The following TPTE variants were observed in gnomAD, a reference collection of about 807,000 sequenced individuals.
TPTE encodes the protein transmembrane phosphatase with tensin homology.
In TPTE, 59 loss-of-function variants were observed where a neutral mutation model predicts 84.1. The observed-to-expected ratio is 0.70, with a 90% CI of 0.57 to 0.87. TPTE has a LOEUF of 0.87. TPTE is among the 40% of genes least tolerant of loss of function. TPTE has a pLI of 0.00. For synonymous variants in TPTE, 130 were observed against 223.5 expected (o/e 0.58, Z 3.73); for missense variants, 382 against 659.6 (o/e 0.58, Z 4.61).
At chr21:10,592,956 A>G (rs1245188299) in intron 19 of TPTE, among the ~76,000 whole-genome samples, 3 of 152,300 alleles carry the variant, frequency 2.0e-5, no homozygotes, top group South Asian at 2.1e-4. Flanking sequence ...TTTAATACCC[A>G]TAACACCTGT....
chr21:10,546,278 T>C (rs1301693219), intron 7 of TPTE, among the ~76,000 whole-genome samples: 2 of 152,310 alleles, frequency 1.3e-5, no homozygotes, highest in Non-Finnish European at 2.9e-5. Context: ...ACACGAACCA[T>C]GTCCATATTA....
chr21:10,583,899 T>A (rs557996916), intron 17 of TPTE, among the ~76,000 whole-genome samples: 2 of 152,426 alleles, frequency 1.3e-5, no homozygotes, highest in Non-Finnish European at 2.9e-5. Flanking sequence ...AGCACAACTA[T>A]CTTACTGTAG....
intron 6 of TPTE, among the ~76,000 whole-genome samples, 194 bp downstream of exon 6, chr21:10,542,642 AC>A (rs1246371081): frequency 6.6e-6 from 1 of 152,304 alleles, no homozygotes; most frequent in African/African-American, 2.4e-5. Flanking sequence ...CAACACACTT[AC>A]ACAAACTAAT....
intron 7 of TPTE, among the ~76,000 whole-genome samples, chr21:10,546,123 AT>A (rs1303121756): frequency 6.6e-6 from 1 of 152,298 alleles, no homozygotes; most frequent in East Asian, 1.9e-4. Flanking sequence ...TCCTGGTTTT[AT>A]TTTTCCAACA....
intron 11 of TPTE, 100 bp from the exon 12 acceptor site, chr21:10,569,337 G>A (rs2074991807): frequency 1.4e-6 from 2 of 1,457,820 alleles, no homozygotes; most frequent in African/African-American, 1.4e-5. Flanking sequence ...GGGAGAGGAG[G>A]GAAAATTGCC....
intron 10 of TPTE, among the ~76,000 whole-genome samples, chr21:10,561,975 A>G (rs2074814465): frequency 6.6e-6 from 1 of 152,302 alleles, no homozygotes; most frequent in African/African-American, 2.4e-5. Context: ...ATGCAGTCAC[A>G]GTAGTGGTGG....
chr21:10,557,036 TC>T (rs2074698925), intron 8 of TPTE, among the ~76,000 whole-genome samples: 1 of 152,312 alleles, frequency 6.6e-6, no homozygotes, highest in East Asian at 1.9e-4. Context: ...ATGCAGAAGC[TC>T]TTTAGTTTAA....
intron 5 of TPTE, among the ~76,000 whole-genome samples, chr21:10,542,193 C>T (rs1438145941): frequency 6.6e-6 from 1 of 152,294 alleles, no homozygotes; most frequent in Non-Finnish European, 1.5e-5. Context: ...TACTATTTTC[C>T]CCCGCCTAAG....
chr21:10,555,529 T>G (rs2074665033), intron 8 of TPTE, among the ~76,000 whole-genome samples: 1 of 152,312 alleles, frequency 6.6e-6, no homozygotes, highest in Non-Finnish European at 1.5e-5. Flanking sequence ...TTTTGAATTG[T>G]CATTTAAATT....
At chr21:10,583,321 GTAAT>G (rs1206760454) in intron 17 of TPTE, among the ~76,000 whole-genome samples, 34 of 152,350 alleles carry the variant, frequency 2.2e-4, no homozygotes, top group African/African-American at 7.9e-4. Context: ...TTGCATTTCT[GTAAT>G]TAATAAGATT....
chr21:10,597,085 G>T (rs2075602279), intron 20 of TPTE, among the ~76,000 whole-genome samples: 1 of 152,312 alleles, frequency 6.6e-6, no homozygotes, highest in African/African-American at 2.4e-5. Flanking sequence ...ATGTAGAGTT[G>T]AGAGGAAAGC....
At chr21:10,541,908 G>C (rs2074377022) in intron 5 of TPTE, among the ~76,000 whole-genome samples, 1 of 152,304 alleles carries the variant, frequency 6.6e-6, no homozygotes, top group Non-Finnish European at 1.5e-5. Flanking sequence ...TGCCACCACA[G>C]AGGCTGGTGC....
intron 20 of TPTE, among the ~76,000 whole-genome samples, chr21:10,596,369 A>T (rs2075589404): frequency 6.6e-6 from 1 of 152,312 alleles, no homozygotes; most frequent in Non-Finnish European, 1.5e-5. Flanking sequence ...GTCTCAACCC[A>T]GGCGGACTTT....
chr21:10,558,467 T>C (rs1333514742), intron 8 of TPTE, among the ~76,000 whole-genome samples: 2 of 152,312 alleles, frequency 1.3e-5, no homozygotes, highest in African/African-American at 4.8e-5. Context: ...AAATGGTATC[T>C]CATTGTGGTT....
At chr21:10,529,995 GTTCACTA>G (rs1189846154) in intron 3 of TPTE, among the ~76,000 whole-genome samples, 117 of 152,312 alleles carry the variant, frequency 7.7e-4, no homozygotes, top group African/African-American at 2.8e-3. Flanking sequence ...ACCCCTATTT[GTTCACTA>G]TTACTATGAA....
intron 7 of TPTE, among the ~76,000 whole-genome samples, chr21:10,552,009 T>C (rs2074584985): frequency 6.6e-6 from 1 of 152,312 alleles, no homozygotes; most frequent in South Asian, 2.1e-4. Flanking sequence ...AACTTCATTG[T>C]TGTCCTATTT....
intron 17 of TPTE, among the ~76,000 whole-genome samples, chr21:10,583,699 C>A (rs1056548957): frequency 2.6e-5 from 4 of 152,310 alleles, no homozygotes; most frequent in Non-Finnish European, 5.9e-5. Flanking sequence ...CGAGAAGGTT[C>A]ATTCCTTTTA....
intron 21 of TPTE, among the ~76,000 whole-genome samples, chr21:10,598,335 C>T (rs2075628412): frequency 6.6e-6 from 1 of 152,310 alleles, no homozygotes; most frequent in African/African-American, 2.4e-5. Flanking sequence ...TGTTGCTTTC[C>T]CTTTCACACT....
chr21:10,549,987 G>A (rs1356189040), intron 7 of TPTE, among the ~76,000 whole-genome samples: 4 of 152,308 alleles, frequency 2.6e-5, no homozygotes, highest in Admixed American at 2.0e-4. Flanking sequence ...GAAACCTTAG[G>A]CTAGAAGAGA....
Sources: allele counts gnomAD v4.1 joint callset (sites outside exome capture counted in the v4.1 genomes callset), GRCh38; gene constraint gnomAD v4.1.1; transcripts MANE v1.5; gene names NCBI Gene and HGNC (gene_info 2026-07-23, HGNC 2026-07-21).